The following FUT8 variants were observed in gnomAD, a reference collection of about 807,000 sequenced individuals.
FUT8 encodes the protein fucosyltransferase 8.
Under a neutral mutation model 71.3 loss-of-function variants are expected in FUT8, and 29 were observed. The observed-to-expected ratio is 0.41, with a 90% CI of 0.30 to 0.55. FUT8 has a LOEUF of 0.55. Among genes scored for constraint, FUT8 ranks in the 20% least tolerant of loss-of-function variants. The pLI is 0.34. For synonymous variants in FUT8, 254 were observed against 239.3 expected, an observed-to-expected ratio of 1.06 and a Z score of -0.57; for missense variants, 544 against 702.1, an observed-to-expected ratio of 0.77 and a Z score of 2.55.
chr14:65,357,458 G>A, the FUT8 span, among the ~76,000 whole-genome samples: 60 of 151,876 alleles, frequency 4.0e-4, 1 homozygote, highest in East Asian at 6.7e-3. Flanking sequence ...TAGAATACTC[G>A]AACAGAGGCT....
At chr14:65,587,185 T>C (rs1402824829) in intron 3 of FUT8, among the ~76,000 whole-genome samples, 1 of 144,612 alleles carries the variant, frequency 6.9e-6, no homozygotes, top group Non-Finnish European at 1.5e-5. Flanking sequence ...CGAGACTCTG[T>C]CTCAAAAAAA....
chr14:65,623,967 G>C (rs1417057363), intron 5 of FUT8, among the ~76,000 whole-genome samples: 2 of 152,144 alleles, frequency 1.3e-5, no homozygotes, highest in Admixed American at 1.3e-4. Context: ...TGGTTTCAGG[G>C]TAGAGTTACT....
chr14:65,615,853 C>A, intron 3 of FUT8, 125 bp from the exon 4 acceptor site: 1 of 625,950 alleles, frequency 1.6e-6, no homozygotes, highest in Non-Finnish European at 2.8e-6. Context: ...CCATTTGGTA[C>A]TACTTTTGTG....
intron 7 of FUT8, among the ~76,000 whole-genome samples, chr14:65,714,324 TA>T (rs1349525660): frequency 6.6e-6 from 1 of 152,214 alleles, no homozygotes; most frequent in African/African-American, 2.4e-5. Context: ...AGCTCCATAG[TA>T]TAATTTGAAG....
At chr14:65,586,913 G>A (rs1027811414) in intron 3 of FUT8, among the ~76,000 whole-genome samples, 1 of 152,160 alleles carries the variant, frequency 6.6e-6, no homozygotes, top group African/African-American at 2.4e-5. Context: ...TATGTGCTGG[G>A]CGCTGTGGCT....
chr14:65,464,499 G>A (rs1434066756), intron 2 of FUT8, among the ~76,000 whole-genome samples: 1 of 151,994 alleles, frequency 6.6e-6, no homozygotes, highest in East Asian at 1.9e-4. Flanking sequence ...TAAGTTTTTT[G>A]TAAATTTTAT....
At chr14:65,590,599 G>T (rs1259235908) in intron 3 of FUT8, among the ~76,000 whole-genome samples, 1 of 152,106 alleles carries the variant, frequency 6.6e-6, no homozygotes, top group Non-Finnish European at 1.5e-5. Flanking sequence ...TTACCTAAAT[G>T]TGGATTAGTA....
intron 1 of FUT8, among the ~76,000 whole-genome samples, chr14:65,450,942 C>T (rs61989999): frequency 0.03 from 4,529 of 151,708 alleles, 126 homozygotes; most frequent in Admixed American, 0.086. Context: ...CTGCAAGCTC[C>T]GCCTCCCAGG....
rs1055778504 is a variant in FUT8, at chr14:65,743,348, C to T, written c.*938C>T. 1.3e-5 allele frequency: 2 copies of T among 151,842 alleles called. No individual in the cohort carries two copies. Among genetic ancestry groups the T allele is most frequent in the African/African-American group, 4.8e-5 (2 of 41,384 alleles). The allele number at this position is 151,842 out of a possible 1,614,324, so 9.4% of individuals were successfully genotyped here. A position where few individuals can be genotyped will look rare whatever the true frequency, so the allele number is the denominator to read the frequency against. On this transcript the variant is annotated 3_prime_UTR_variant, in exon 11 of 11. Transcript: ENST00000673929. ...AACCAATTTTCATTGGTACACATTACAAAATTGCTAAGAACACTGTTTGGG... is the reference window on the plus strand; with the variant it reads ...AACCAATTTTCATTGGTACACATTATAAAATTGCTAAGAACACTGTTTGGG...
At chr14:65,615,593 G>A (rs980256149) in intron 3 of FUT8, among the ~76,000 whole-genome samples, 2 of 152,200 alleles carry the variant, frequency 1.3e-5, no homozygotes, top group East Asian at 1.9e-4. Context: ...GATATGCTTC[G>A]TTATTCCCTT....
At chr14:65,473,667 T>A (rs1288511880) in intron 2 of FUT8, among the ~76,000 whole-genome samples, 3 of 152,224 alleles carry the variant, frequency 2.0e-5, no homozygotes, top group Non-Finnish European at 2.9e-5. Flanking sequence ...TACTCACAAA[T>A]TGAACTTTTC....
chr14:65,373,086 A>C, the FUT8 span, among the ~76,000 whole-genome samples: 157 of 152,220 alleles, frequency 1.0e-3, no homozygotes, highest in South Asian at 0.013. Flanking sequence ...TGAACATCAT[A>C]ATAATAAGAA....
rs139065544 is a variant in FUT8 at position 65,707,444 on chromosome 14, T to C, written c.836-14331T>C. ...GCTTGCAATTTTTTTTTCCAATTCA[T>C]GGATTATCTCTTCACTCTCGTTTTC... On this transcript the variant is annotated intron_variant, in intron 7 of 10. Transcript: ENST00000673929. Among the ~76,000 whole-genome samples, 1,003 of 152,268 alleles carry C rather than the reference T, an allele frequency of 6.6e-3. 4 individuals are homozygous for C. The highest frequency in any genetic ancestry group is 8.8e-3 in the Non-Finnish European group (598 of 67,998).
At chr14:65,633,254 C>T (rs1030473410) in intron 6 of FUT8, among the ~76,000 whole-genome samples, 20 of 152,284 alleles carry the variant, frequency 1.3e-4, no homozygotes, top group African/African-American at 4.1e-4. Flanking sequence ...CTCCTAACCG[C>T]GAGTGATCCG....
chr14:65,552,782 A>T (rs1248847247), intron 2 of FUT8, among the ~76,000 whole-genome samples: 1 of 152,014 alleles, frequency 6.6e-6, no homozygotes. Context: ...TATCTTCACC[A>T]CTGGCTTTTT....
At chr14:65,393,263 A>G in the FUT8 span, among the ~76,000 whole-genome samples, 1 of 152,200 alleles carries the variant, frequency 6.6e-6, no homozygotes, top group African/African-American at 2.4e-5. Flanking sequence ...TTTATAATAT[A>G]TAGGATGGAA....
intron 1 of FUT8, among the ~76,000 whole-genome samples, chr14:65,436,096 A>G (rs72714433): frequency 0.13 from 20,278 of 151,570 alleles, 1,801 homozygotes; most frequent in Middle Eastern, 0.2. Context: ...ATGTCTGGCT[A>G]GTTTTTAATT....
the FUT8 span, among the ~76,000 whole-genome samples, chr14:65,388,775 TA>T: frequency 2.6e-5 from 4 of 151,584 alleles, no homozygotes; most frequent in South Asian, 8.3e-4. Flanking sequence ...AAATAAAAAA[TA>T]AAAAATAAAA....
At position 65,733,390 on chromosome 14, in the gene FUT8, C is replaced by A; in HGVS notation, c.1410+9C>A. ...GTACTTTTTCATCCCAGGTAAGTGT[C>A]AGTAGGGCATTTTAAAATAACCAAT... On this transcript the variant is annotated intron_variant, in intron 10 of 10. Transcript: ENST00000673929. 6.4e-7 allele frequency: 1 copy of A among 1,559,318 alleles called. No homozygotes were observed. The highest frequency in any genetic ancestry group is 1.2e-5 in the South Asian group (1 of 82,194).
Sources: allele counts gnomAD v4.1 joint callset (sites outside exome capture counted in the v4.1 genomes callset), GRCh38; gene constraint gnomAD v4.1.1; transcripts MANE v1.5; gene names NCBI Gene and HGNC (gene_info 2026-07-23, HGNC 2026-07-21).